Variants in SSH3 observed in about 807,000 individuals in gnomAD.
SSH3 encodes the protein protein phosphatase Slingshot homolog 3.
In SSH3, 67 loss-of-function variants were observed where a neutral mutation model predicts 75.0. The ratio of observed to expected loss-of-function variants is 0.89; its 90% CI spans 0.73 to 1.10. The LOEUF is 1.10. Ranked by LOEUF, SSH3 falls within the 50% of genes least tolerant of loss-of-function variation. The pLI, the probability that SSH3 is intolerant of heterozygous loss-of-function variation, is 0.00. For missense variants in SSH3, 824 were observed against 872.7 expected, an observed-to-expected ratio of 0.94 and a Z score of 0.70; for synonymous variants, 318 against 349.2, an observed-to-expected ratio of 0.91 and a Z score of 1.00.
intron 3 of SSH3, among the ~76,000 whole-genome samples, chr11:67,306,337 C>T (rs185586903): frequency 5.5e-5 from 8 of 145,190 alleles, no homozygotes; most frequent in East Asian, 4.1e-4. Flanking sequence ...CAGTGGCTCA[C>T]GCCTGTAATC....
Position 67,307,172 on chromosome 11 carries a change from GT to G in SSH3, c.536+60del. On this transcript the variant is annotated intron_variant, in intron 5 of 13. Transcript: ENST00000308127. This position sits in a 1 kb window ranked among gnomAD's most constrained non-coding sequence, Gnocchi z 4.2. ...GGTGGAATAACTGAGTGTGACGGAT[GT>G]GACGGGGCCTGGGCACCAGGGTACA... The G allele has an allele frequency of 1.2e-6, 2 of 1,600,770 alleles. No individual in the cohort carries two copies. The highest frequency in any genetic ancestry group is 2.2e-5 in the South Asian group (2 of 90,288).
chr11:67,309,119 G>A, intron 10 of SSH3: 1 of 451,520 alleles, frequency 2.2e-6, no homozygotes, highest in Non-Finnish European at 4.0e-6. Context: ...TAGCTCAAAA[G>A]CTGTTCTCTA....
Position 67,303,670 on chromosome 11 carries a change from CT to C in SSH3, c.46del (p.Ser16ProfsTer90). 1 of 1,511,882 alleles carries C rather than the reference CT, an allele frequency of 6.6e-7. No homozygotes were observed. The highest frequency in any genetic ancestry group is 8.8e-7 in the Non-Finnish European group (1 of 1,136,690). 93.7% of individuals were successfully genotyped at this position (1,511,882 alleles called of 1,614,324 possible). On this transcript the variant is annotated frameshift_variant, in exon 1 of 14. Coordinates refer to ENST00000308127, the MANE Select transcript of SSH3 (RefSeq NM_017857.4). LOFTEE classifies it high-confidence loss of function. ...GCCGTTCGCCCCCGGGCAGCGGCGCCTCCACGCCCGTGGGGCCCTGGGTGAG... is the reference window on the plus strand; with the variant it reads ...GCCGTTCGCCCCCGGGCAGCGGCGCCCCACGCCCGTGGGGCCCTGGGTGAG... The part of the protein sequence containing the change: ...VSRSPPGSGA[S>X]TPVGPWDQAV...
At position 67,309,756 on chromosome 11, in the gene SSH3, C is replaced by G; in HGVS notation, c.1209-12C>G. The G allele has an allele frequency of 6.2e-7, 1 of 1,612,158 alleles. No homozygotes were observed. The highest frequency in any genetic ancestry group is 8.5e-7 in the Non-Finnish European group (1 of 1,179,872). On this transcript the variant is annotated splice_polypyrimidine_tract_variant and intron_variant, in intron 11 of 13. Coordinates refer to ENST00000308127, the MANE Select transcript of SSH3 (RefSeq NM_017857.4). ...GTGAGGGGAGGGTGCTGAACCTGGC[C>G]TGCTTCCACAGAGCACAGGGCACCC...
At position 67,310,068 on chromosome 11, in the gene SSH3, G is replaced by A. The variant is rs1359361334; in HGVS notation, c.1412G>A (p.Arg471His). ...GACTCAGGGCCACCTCCTCACAGCC[G>A]CCAGAGCCATGTCTGGGAGCAGAAA... ...QIYQGILTAS[R>H]QSHVWEQKVG... is the part of the protein sequence containing the mutation. Residue 471 changes from arginine to histidine, a missense_variant and splice_region_variant, in exon 13 of 14, where the codon CGC (arginine) becomes CAC (histidine). Transcript: ENST00000308127. 13 of 1,612,614 alleles carry A rather than the reference G, an allele frequency of 8.1e-6. No individual in the cohort carries two copies. Among genetic ancestry groups the A allele is most frequent in the South Asian group, 2.2e-5 (2 of 91,074 alleles).
intron 2 of SSH3, among the ~76,000 whole-genome samples, 163 bp from the exon 3 acceptor site, chr11:67,304,610 G>C (rs1861177304): frequency 6.6e-6 from 1 of 152,242 alleles, no homozygotes; most frequent in Non-Finnish European, 1.5e-5. Context: ...CGAGGGGTTA[G>C]AAATGCAGAT....
intron 1 of SSH3, 171 bp from the exon 2 acceptor site, chr11:67,303,947 C>A: frequency 2.1e-6 from 2 of 946,694 alleles, no homozygotes; most frequent in Non-Finnish European, 3.0e-6. Context: ...CCCAGCCGAC[C>A]TGGCCTTGGG....
In SSH3 at chr11:67,307,375, T is replaced by G; in HGVS notation, c.541T>G (p.Phe181Val). Residue 181 changes from phenylalanine to valine, a missense_variant, in exon 6 of 14, where the codon TTC (phenylalanine) becomes GTC (valine). Physicochemically the swap from Phe to Val is conservative, Grantham distance 50. Transcript: ENST00000308127. This position sits in a 1 kb window ranked among gnomAD's most constrained non-coding sequence, Gnocchi z 4.2. ...CCTGTGCCTGGTCTCCTGCAGGGGC[T>G]TCAGCGTGACGTCTGGTGGGCAAAG... ...TQVYLDGDGGFSVTSGGQSRI... is the reference protein window; with the variant it reads ...TQVYLDGDGGVSVTSGGQSRI... 6.2e-7 allele frequency: 1 copy of G among 1,613,932 alleles called. No homozygotes were observed. Among genetic ancestry groups the G allele is most frequent in the South Asian group, 1.1e-5 (1 of 91,062 alleles).
In SSH3 at chr11:67,310,204, A is replaced by T; in HGVS notation, c.1548A>T (p.Glu516Asp). The T allele has an allele frequency of 6.2e-7, 1 of 1,614,202 alleles. No homozygotes were observed. The highest frequency in any genetic ancestry group is 2.2e-5 in the East Asian group (1 of 44,882). The change falls in exon 13 of 14, where the codon GAA (glutamate) becomes GAT (aspartate). Residue 516 changes from glutamate (E) to aspartate (D), a missense_variant. Physicochemically the swap from Glu to Asp is conservative, Grantham distance 45. Coordinates refer to ENST00000308127, the MANE Select transcript of SSH3 (RefSeq NM_017857.4). ...GGGEEKVVGMEESQAAPKEEP... is the reference protein window; with the variant it reads ...GGGEEKVVGMDESQAAPKEEP... ...GGGAGGAGAAGGTTGTAGGCATGGAAGAGAGCCAGGCAGCCCCGAAAGAAG... is the reference window on the plus strand; with the variant it reads ...GGGAGGAGAAGGTTGTAGGCATGGATGAGAGCCAGGCAGCCCCGAAAGAAG...
Position 67,308,852 on chromosome 11 carries a change from G to A in SSH3, c.1061+394G>A, listed in dbSNP as rs1012865446. Among the ~76,000 whole-genome samples the A allele has an allele frequency of 5.9e-5, 9 of 152,096 alleles. No homozygotes were observed. Among genetic ancestry groups the A allele is most frequent in the South Asian group, 2.1e-4 (1 of 4,836 alleles). ...CGCTTGAGCCCTGGAGATTGAGGCCGCAGTGAGCCGTGATCACGCCACTGC... is the reference window on the plus strand; with the variant it reads ...CGCTTGAGCCCTGGAGATTGAGGCCACAGTGAGCCGTGATCACGCCACTGC... On this transcript the variant is annotated intron_variant, in intron 10 of 13. Coordinates refer to ENST00000308127, the MANE Select transcript of SSH3 (RefSeq NM_017857.4). The surrounding 1 kb of genome is among the most constrained non-coding windows in gnomAD (Gnocchi z 4.9).
In SSH3 at chr11:67,303,874, T is replaced by C. The variant is rs186713757; in HGVS notation, c.66+183T>C. ...GGCGCCGGGGCACAATCCAGAGCCC[T>C]GCGCGCCGCCCGGGCTGCGGAGGCC... On this transcript the variant is annotated intron_variant, in intron 1 of 13. Coordinates refer to ENST00000308127, the MANE Select transcript of SSH3 (RefSeq NM_017857.4). 0.015 allele frequency: 11,631 copies of C among 760,124 alleles called. 845 individuals carry two copies. The Admixed American group carries it at 0.2, about 13-fold the overall frequency. 47.1% of individuals were successfully genotyped at this position (760,124 alleles called of 1,614,324 possible). A position where few individuals can be genotyped will look rare whatever the true frequency, so the allele number is the denominator to read the frequency against.
Position 67,308,355 on chromosome 11 carries a change from G to A in SSH3, c.1014+53G>A. The A allele has an allele frequency of 6.2e-7, 1 of 1,613,550 alleles. No individual in the cohort carries two copies. Among genetic ancestry groups the A allele is most frequent in the Non-Finnish European group, 8.5e-7 (1 of 1,179,498 alleles). ...GGGACCGCTGGCAGCTGTGAGGGCGGCAGGCCAGGAGCAGAGGCTGGAGGA... is the reference window on the plus strand; with the variant it reads ...GGGACCGCTGGCAGCTGTGAGGGCGACAGGCCAGGAGCAGAGGCTGGAGGA... On this transcript the variant is annotated intron_variant, in intron 9 of 13. Transcript: ENST00000308127. The surrounding 1 kb of genome is among the most constrained non-coding windows in gnomAD (Gnocchi z 4.9).
chr11:67,305,067 G>A (rs1565087834), intron 3 of SSH3, 60 bp downstream of exon 3: 3 of 1,502,074 alleles, frequency 2.0e-6, no homozygotes, highest in Non-Finnish European at 2.7e-6. Context: ...AGGGCAGAAT[G>A]GAGCCCTGTG....
At position 67,304,139 on chromosome 11, in the gene SSH3, A is replaced by G; in HGVS notation, c.88A>G (p.Ser30Gly). The G allele has an allele frequency of 6.3e-6, 10 of 1,599,558 alleles. No individual in the cohort carries two copies. Among genetic ancestry groups the G allele is most frequent in the Non-Finnish European group, 8.5e-6 (10 of 1,176,848 alleles). ...GPWDQAVQRRSRLQRRQSFAV... is the reference protein window; with the variant it reads ...GPWDQAVQRRGRLQRRQSFAV... ...GCAGGACCAGGCGGTCCAGCGAAGGAGTCGACTCCAGCGAAGGTGAGCGCC... is the reference window on the plus strand; with the variant it reads ...GCAGGACCAGGCGGTCCAGCGAAGGGGTCGACTCCAGCGAAGGTGAGCGCC... The change falls in exon 2 of 14, where the codon AGT becomes GGT. Residue 30 changes from serine (S) to glycine (G), a missense_variant. Physicochemically the swap from Ser to Gly is moderately conservative, Grantham distance 56. Coordinates refer to ENST00000308127, the MANE Select transcript of SSH3 (RefSeq NM_017857.4).
chr11:67,311,450 T>C, intron 13 of SSH3, 141 bp from the exon 14 acceptor site: 1 of 1,087,168 alleles, frequency 9.2e-7, no homozygotes, highest in South Asian at 1.4e-5. Context: ...GCTTTTGGCG[T>C]GCGTGCCACA....
Position 67,307,599 on chromosome 11 carries a change from G to A in SSH3, c.653G>A (p.Gly218Asp), listed in dbSNP as rs1276678678. ...GCATGTGAGGCAGCTCTAGGCAGCGGCCTTGTACCGGGTGGCAGTGCCCTC... is the reference window on the plus strand; with the variant it reads ...GCATGTGAGGCAGCTCTAGGCAGCGACCTTGTACCGGGTGGCAGTGCCCTC... ...HQACEAALGS[G>D]LVPGGSALTW... The change falls in exon 7 of 14, where the codon GGC (glycine) becomes GAC (aspartate). Residue 218 changes from glycine to aspartate, a missense_variant. Gly to Asp is a moderately conservative substitution (Grantham distance 94). Transcript: ENST00000308127. The surrounding 1 kb of genome is among the most constrained non-coding windows in gnomAD (Gnocchi z 4.2). The A allele has an allele frequency of 6.2e-7, 1 of 1,613,760 alleles. No homozygotes were observed. Among genetic ancestry groups the A allele is most frequent in the South Asian group, 1.1e-5 (1 of 91,078 alleles).
Position 67,306,922 on chromosome 11 carries a change from G to T in SSH3, c.424G>T (p.Asp142Tyr). ...STREGEGLSQ[D>Y]ETVLLGVDFP... ...ACGAGAAGGAGAAGGTCTGAGCCAG[G>T]ATGAGACGGTCCTCCTGGGCGTGGA... The change falls in exon 4 of 14, where the codon GAT (aspartate) becomes TAT (tyrosine). Residue 142 changes from aspartate (D) to tyrosine (Y), a missense_variant. Asp to Tyr is a radical substitution (Grantham distance 160, BLOSUM62 -3). Coordinates refer to ENST00000308127, the MANE Select transcript of SSH3 (RefSeq NM_017857.4). The T allele has an allele frequency of 6.2e-7, 1 of 1,613,674 alleles. No homozygotes were observed. The highest frequency in any genetic ancestry group is 8.5e-7 in the Non-Finnish European group (1 of 1,179,648).
chr11:67,311,500 C>A, intron 13 of SSH3, 91 bp from the exon 14 acceptor site: 1 of 1,518,036 alleles, frequency 6.6e-7, no homozygotes, highest in Admixed American at 2.0e-5. Context: ...CTGTGCTTGG[C>A]ACCCCTGCCC....
intron 13 of SSH3, among the ~76,000 whole-genome samples, chr11:67,310,855 G>T (rs1223016017): frequency 6.6e-6 from 1 of 152,192 alleles, no homozygotes; most frequent in African/African-American, 2.4e-5. Flanking sequence ...ACCCCATGGT[G>T]GGGAGGCTAA....
Sources: gnomAD v4.1 joint callset for allele counts (sites outside exome capture counted in the v4.1 genomes callset) on GRCh38, gnomAD v4.1.1 for gene constraint, Gnocchi (gnomAD v3.1) non-coding constraint, MANE v1.5 for transcripts, NCBI Gene and HGNC (gene_info 2026-07-23, HGNC 2026-07-21) for gene names.